The following HNRNPC variants were observed in gnomAD, a reference collection of about 807,000 sequenced individuals.
The protein encoded by HNRNPC is heterogeneous nuclear ribonucleoprotein C, also known as heterogeneous nuclear ribonucleoproteins C1/C2.
Under a neutral mutation model 33.2 loss-of-function variants are expected in HNRNPC, and 3 were observed. That is an observed-to-expected ratio of 0.09 (90% CI 0.04 to 0.23). The LOEUF (loss-of-function observed/expected upper bound fraction) is 0.23, where lower values mean the gene tolerates loss of function less well. HNRNPC is among the 10% of genes least tolerant of loss of function. HNRNPC has a pLI of 1.00. For synonymous variants in HNRNPC, 121 were observed against 126.7 expected, an observed-to-expected ratio of 0.96 and a Z score of 0.30; for missense variants, 143 against 366.7, an observed-to-expected ratio of 0.39 and a Z score of 4.98.
intron 2 of HNRNPC, chr14:21,234,799 T>A (rs1894497356): frequency 6.6e-6 from 1 of 152,388 alleles, no homozygotes; most frequent in African/African-American, 2.4e-5. Flanking sequence ...CAAAAGGCAA[T>A]AAATAGAATC....
At chr14:21,263,288 A>T (rs963947945) in intron 2 of HNRNPC, 23 bp downstream of exon 2, 9 of 151,898 alleles carry the variant, frequency 5.9e-5, no homozygotes, top group East Asian at 3.8e-4. Flanking sequence ...GAAAAATGTT[A>T]AAAAAAAATT....
chr14:21,261,922 CCTT>C (rs1207679903), intron 2 of HNRNPC, among the ~76,000 whole-genome samples: 4 of 152,272 alleles, frequency 2.6e-5, no homozygotes, highest in South Asian at 2.1e-4. Context: ...AGAATACACT[CCTT>C]CTTAACATCA....
chr14:21,249,058 A>G (rs530841609), intron 2 of HNRNPC, among the ~76,000 whole-genome samples: 1 of 152,364 alleles, frequency 6.6e-6, no homozygotes, highest in African/African-American at 2.4e-5. Context: ...GTGACATCTA[A>G]GGATGGGATG....
intron 2 of HNRNPC, among the ~76,000 whole-genome samples, chr14:21,254,933 C>CA (rs78136622): frequency 0.044 from 5,915 of 132,950 alleles, 373 homozygotes; most frequent in African/African-American, 0.15. Context: ...AAAAAAAAAA[C>CA]AAAAAAAAAA....
At chr14:21,253,998 A>C (rs1350645893) in intron 2 of HNRNPC, among the ~76,000 whole-genome samples, 1 of 147,212 alleles carries the variant, frequency 6.8e-6, no homozygotes, top group Admixed American at 7.0e-5. Context: ...AACCCGGGAG[A>C]GGGAGCTTGC....
At chr14:21,238,303 T>C (rs1438277876) in intron 2 of HNRNPC, among the ~76,000 whole-genome samples, 1 of 152,190 alleles carries the variant, frequency 6.6e-6, no homozygotes, top group Admixed American at 6.5e-5. Context: ...CAAATTATAA[T>C]TTGAGTCAAA....
At chr14:21,218,541 A>G (rs1892460624) in intron 5 of HNRNPC, among the ~76,000 whole-genome samples, 1 of 151,790 alleles carries the variant, frequency 6.6e-6, no homozygotes, top group Non-Finnish European at 1.5e-5. Flanking sequence ...CAAAAAAATC[A>G]GCAGGGTGTG....
At chr14:21,260,146 G>A (rs1373165552) in intron 2 of HNRNPC, among the ~76,000 whole-genome samples, 1 of 143,556 alleles carries the variant, frequency 7.0e-6, no homozygotes, top group Non-Finnish European at 1.5e-5. Flanking sequence ...CTTGCAGTGA[G>A]CCGAGATCGT....
intron 2 of HNRNPC, among the ~76,000 whole-genome samples, chr14:21,239,752 TA>T (rs1368576786): frequency 6.6e-6 from 1 of 151,938 alleles, no homozygotes; most frequent in Non-Finnish European, 1.5e-5. Flanking sequence ...TGGATGCCTG[TA>T]ATCCCAGCTA....
At chr14:21,255,425 A>G (rs538474783) in intron 2 of HNRNPC, among the ~76,000 whole-genome samples, 1 of 152,336 alleles carries the variant, frequency 6.6e-6, no homozygotes, top group African/African-American at 2.4e-5. Context: ...GAGAATACAT[A>G]TTTTTAAAAT....
intron 6 of HNRNPC, 134 bp downstream of exon 6, chr14:21,212,826 A>T (rs1187380877): frequency 8.8e-7 from 1 of 1,142,236 alleles, no homozygotes; most frequent in African/African-American, 1.5e-5. Flanking sequence ...TACAGGCATG[A>T]GCCACCACAC....
Position 21,234,234 on chromosome 14 carries a change from A to C in HNRNPC, c.-36-5T>G, listed in dbSNP as rs371870858. On this transcript the variant is annotated splice_region_variant and splice_polypyrimidine_tract_variant and intron_variant, in intron 2 of 8. Transcript: ENST00000553300. ...GGTTTCTCACAAAGCCGAAAACTGT[A>C]AAGCAAAAAAAAGTATACAGGTGAA... 8.4e-6 allele frequency: 13 copies of C among 1,547,326 alleles called. No individual in the cohort carries two copies. The highest frequency in any genetic ancestry group is 9.8e-6 in the Non-Finnish European group (11 of 1,126,808).
intron 5 of HNRNPC, 138 bp downstream of exon 5, chr14:21,230,181 A>C: frequency 1.8e-6 from 1 of 542,042 alleles, no homozygotes; most frequent in Non-Finnish European, 3.4e-6. Context: ...TTAATGATTT[A>C]GAAAAAGGTG....
At chr14:21,244,581 C>A (rs560475909) in intron 2 of HNRNPC, among the ~76,000 whole-genome samples, 1 of 152,322 alleles carries the variant, frequency 6.6e-6, no homozygotes, top group African/African-American at 2.4e-5. Context: ...TTTAATTCTT[C>A]CCTTAGCTCT....
At chr14:21,253,461 CAAAAA>C (rs71112561) in intron 2 of HNRNPC, among the ~76,000 whole-genome samples, 6,133 of 77,194 alleles carry the variant, frequency 0.079, 149 homozygotes, top group Non-Finnish European at 0.1. Flanking sequence ...GACTCCATCT[CAAAAA>C]AAAAAAAAAA....
intron 5 of HNRNPC, 160 bp from the exon 6 acceptor site, chr14:21,213,277 GA>G: frequency 1.5e-6 from 1 of 672,498 alleles, no homozygotes; most frequent in South Asian, 2.1e-5. Context: ...GTGGGGTTTA[GA>G]AATCTTATCC....
intron 5 of HNRNPC, among the ~76,000 whole-genome samples, chr14:21,228,451 G>A (rs1157256869): frequency 6.6e-6 from 1 of 152,064 alleles, no homozygotes; most frequent in African/African-American, 2.4e-5. Flanking sequence ...GAGTGCAGTG[G>A]CGCGATCTCA....
intron 5 of HNRNPC, among the ~76,000 whole-genome samples, chr14:21,224,402 G>A (rs758297295): frequency 5.6e-4 from 86 of 152,222 alleles, no homozygotes; most frequent in Non-Finnish European, 1.1e-3. Context: ...AAAATTGCTT[G>A]TCTCCTTGAA....
chr14:21,241,577 C>G (rs1469682390), intron 2 of HNRNPC, among the ~76,000 whole-genome samples: 3 of 152,152 alleles, frequency 2.0e-5, no homozygotes, highest in Non-Finnish European at 2.9e-5. Flanking sequence ...GTTGAACACA[C>G]TTCAAGTCTT....
Sources: allele counts gnomAD v4.1 joint callset (sites outside exome capture counted in the v4.1 genomes callset), GRCh38; gene constraint gnomAD v4.1.1; transcripts MANE v1.5; gene names NCBI Gene and HGNC (gene_info 2026-07-23, HGNC 2026-07-21).